DAB1: variants seen among roughly 807,000 people sequenced by gnomAD.
The protein encoded by DAB1 is disabled homolog 1.
DAB1 carries 15 observed loss-of-function variants against 64.6 expected under a neutral mutation model. The observed-to-expected ratio is 0.23, with a 90% CI of 0.16 to 0.36. The LOEUF (loss-of-function observed/expected upper bound fraction) is 0.36. Ranked by LOEUF, DAB1 falls within the 10% of genes least tolerant of loss-of-function variation. The pLI, the probability that DAB1 is intolerant of heterozygous loss-of-function variation, is 1.00. For synonymous variants in DAB1, 235 were observed against 251.9 expected, an observed-to-expected ratio of 0.93 and a Z score of 0.64; for missense variants, 596 against 706.7, an observed-to-expected ratio of 0.84 and a Z score of 1.78.
intron 4 of DAB1, among the ~76,000 whole-genome samples, chr1:58,281,006 G>A (rs927557695): frequency 6.6e-6 from 1 of 152,134 alleles, no homozygotes; most frequent in African/African-American, 2.4e-5. Context: ...AGAGAGGAGA[G>A]GAGCATTCCA....
At position 57,115,809 on chromosome 1, in the gene DAB1, G is replaced by C. The variant is rs182583897; in HGVS notation, c.306+20734C>G. 3.3e-5 allele frequency among the ~76,000 whole-genome samples: 5 copies of C among 152,280 alleles called. No homozygotes were observed. In the East Asian group the frequency reaches 9.7e-4, roughly 30 times the overall value. On this transcript the variant is annotated intron_variant, in intron 4 of 14. Transcript: ENST00000371236. ...CCCTGGCTGTGCTTTGGGTAATAAG[G>C]AAATGGGGCATTTTTCAAAAGAATA...
chr1:57,085,642 C>T (rs1037706805), intron 4 of DAB1, among the ~76,000 whole-genome samples: 1 of 152,212 alleles, frequency 6.6e-6, no homozygotes, highest in Non-Finnish European at 1.5e-5. Flanking sequence ...CTTCCTAACA[C>T]AAACCACAGT....
intron 7 of DAB1, among the ~76,000 whole-genome samples, chr1:57,540,385 C>T (rs542992949): frequency 4.6e-5 from 7 of 152,154 alleles, no homozygotes; most frequent in South Asian, 4.1e-4. Flanking sequence ...GAAAACAGTA[C>T]GGAGATCTCT....
intron 5 of DAB1, among the ~76,000 whole-genome samples, chr1:58,075,462 A>C (rs898110682): frequency 7.2e-5 from 11 of 152,180 alleles, no homozygotes; most frequent in Non-Finnish European, 1.5e-4. Context: ...GTTACTGTGG[A>C]GGCCTGTGTC....
At chr1:58,294,710 A>T (rs553280087) in intron 4 of DAB1, among the ~76,000 whole-genome samples, 1 of 152,272 alleles carries the variant, frequency 6.6e-6, no homozygotes, top group South Asian at 2.1e-4. Context: ...CAGAGTGGGG[A>T]AGCCTTCTCT....
intron 3 of DAB1, among the ~76,000 whole-genome samples, chr1:58,366,495 A>G (rs1213663): frequency 0.034 from 5,155 of 152,278 alleles, 284 homozygotes; most frequent in African/African-American, 0.12. Flanking sequence ...AGAACATACT[A>G]TAGGCATCAA....
chr1:57,598,056 C>T (rs1211025665), intron 7 of DAB1, among the ~76,000 whole-genome samples: 1 of 152,202 alleles, frequency 6.6e-6, no homozygotes, highest in Non-Finnish European at 1.5e-5. Flanking sequence ...GATCTTGGCT[C>T]ACTGCAAGCT....
intron 1 of DAB1, among the ~76,000 whole-genome samples, chr1:57,326,581 G>A (rs1176807064): frequency 6.6e-6 from 1 of 152,164 alleles, no homozygotes; most frequent in African/African-American, 2.4e-5. Flanking sequence ...ACCATAGACT[G>A]GGTGGCTTAA....
chr1:57,891,980 A>G (rs1182340684), intron 5 of DAB1, among the ~76,000 whole-genome samples: 2 of 152,212 alleles, frequency 1.3e-5, no homozygotes, highest in Middle Eastern at 6.3e-3. Context: ...GTATCCCAGA[A>G]CTTAAAATAT....
At chr1:58,507,063 G>C (rs1262594779) in intron 2 of DAB1, among the ~76,000 whole-genome samples, 1 of 151,970 alleles carries the variant, frequency 6.6e-6, no homozygotes, top group Non-Finnish European at 1.5e-5. Context: ...GTATCTGATA[G>C]TGGAGAGGGA....
At chr1:58,238,972 C>A (rs4912184) in intron 4 of DAB1, among the ~76,000 whole-genome samples, 94,998 of 151,900 alleles carry the variant, frequency 0.63, 30,451 homozygotes, top group African/African-American at 0.68. Flanking sequence ...GGGGCAGTTC[C>A]GATAAAGATC....
At chr1:58,142,870 T>G (rs1227399147) in intron 5 of DAB1, among the ~76,000 whole-genome samples, 1 of 152,220 alleles carries the variant, frequency 6.6e-6, no homozygotes, top group East Asian at 1.9e-4. Context: ...TCAGTCTGAT[T>G]TTTATAAGAA....
intron 4 of DAB1, among the ~76,000 whole-genome samples, chr1:57,114,165 A>G (rs1655908076): frequency 6.6e-6 from 1 of 152,216 alleles, no homozygotes; most frequent in Non-Finnish European, 1.5e-5. Context: ...TGTATTTAGG[A>G]TTTCAGATGC....
chr1:58,375,612 T>A (rs963842349), intron 3 of DAB1, among the ~76,000 whole-genome samples: 4 of 148,106 alleles, frequency 2.7e-5, no homozygotes, highest in Non-Finnish European at 6.0e-5. Context: ...TTTGCATCAA[T>A]GTTCATCAAG....
chr1:57,135,213 A>G (rs1321991611), intron 4 of DAB1, among the ~76,000 whole-genome samples: 5 of 152,202 alleles, frequency 3.3e-5, no homozygotes, highest in African/African-American at 1.2e-4. Flanking sequence ...AAAAGATTCC[A>G]TCTTCCCAAA....
intron 7 of DAB1, among the ~76,000 whole-genome samples, chr1:57,615,288 T>G (rs1645778955): frequency 6.6e-6 from 1 of 152,248 alleles, no homozygotes; most frequent in Non-Finnish European, 1.5e-5. Flanking sequence ...TGGTCAAAGG[T>G]TAGCAGAAGT....
At chr1:58,267,117 G>C (rs1285252007) in intron 4 of DAB1, among the ~76,000 whole-genome samples, 1 of 152,280 alleles carries the variant, frequency 6.6e-6, no homozygotes, top group Non-Finnish European at 1.5e-5. Flanking sequence ...CTACTGGGGA[G>C]GGTAGGACAG....
chr1:57,176,145 G>T (rs1349964092), intron 2 of DAB1, among the ~76,000 whole-genome samples: 2 of 152,052 alleles, frequency 1.3e-5, no homozygotes, highest in Non-Finnish European at 2.9e-5. Context: ...TTCCCTCAGT[G>T]GTCCTTTATG....
intron 7 of DAB1, among the ~76,000 whole-genome samples, chr1:57,443,909 G>A (rs2781321): frequency 0.46 from 69,645 of 152,090 alleles, 17,259 homozygotes; most frequent in Admixed American, 0.58. Flanking sequence ...GTTTAGAAAC[G>A]TAATTTAGAC....
Sources: gnomAD v4.1 joint callset for allele counts (sites outside exome capture counted in the v4.1 genomes callset) on GRCh38, gnomAD v4.1.1 for gene constraint, MANE v1.5 for transcripts, NCBI Gene and HGNC (gene_info 2026-07-23, HGNC 2026-07-21) for gene names.